Variants in PCSK2 observed in about 807,000 individuals in gnomAD.
The protein encoded by PCSK2 is neuroendocrine convertase 2.
A neutral mutation model predicts 69.7 loss-of-function variants in PCSK2; 14 were observed. The observed-to-expected ratio is 0.20, with a 90% CI of 0.13 to 0.31. The LOEUF (loss-of-function observed/expected upper bound fraction) is 0.31, where lower values mean the gene tolerates loss of function less well. Among genes scored for constraint, PCSK2 ranks in the 10% least tolerant of loss-of-function variants. The probability of loss-of-function intolerance (pLI) is 1.00; values close to 1 mark genes in which losing one functional copy is unlikely to be tolerated. For missense variants in PCSK2, 544 were observed against 842.5 expected (o/e 0.65, Z 4.39); for synonymous variants, 307 against 320.7 (o/e 0.96, Z 0.46).
intron 2 of PCSK2, among the ~76,000 whole-genome samples, chr20:17,289,011 G>A (rs1204054550): frequency 6.6e-6 from 1 of 152,164 alleles, no homozygotes; most frequent in Non-Finnish European, 1.5e-5. Flanking sequence ...AAGGAAATAA[G>A]GATGACAGAT....
chr20:17,274,394 C>T (rs1987978986), intron 2 of PCSK2, among the ~76,000 whole-genome samples: 1 of 152,148 alleles, frequency 6.6e-6, no homozygotes, highest in African/African-American at 2.4e-5. Context: ...ATTTATTCAC[C>T]CATGTGAAGG....
intron 1 of PCSK2, among the ~76,000 whole-genome samples, chr20:17,253,272 G>T (rs1987059975): frequency 6.6e-6 from 1 of 152,140 alleles, no homozygotes; most frequent in African/African-American, 2.4e-5. Flanking sequence ...CTTTAGTAGA[G>T]TTGCAAAGTT....
intron 5 of PCSK2, among the ~76,000 whole-genome samples, chr20:17,390,691 T>G (rs1265119075): frequency 6.6e-6 from 1 of 152,226 alleles, no homozygotes. Flanking sequence ...CATCACTCTT[T>G]TTTCCTTATT....
At chr20:17,416,840 C>T (rs542004288) in intron 6 of PCSK2, among the ~76,000 whole-genome samples, 117 of 152,152 alleles carry the variant, frequency 7.7e-4, no homozygotes, top group Middle Eastern at 3.4e-3. Flanking sequence ...TACTGTGCAG[C>T]CATAAAAAAG....
At chr20:17,302,457 T>C (rs1989117224) in intron 2 of PCSK2, among the ~76,000 whole-genome samples, 1 of 152,354 alleles carries the variant, frequency 6.6e-6, no homozygotes, top group East Asian at 1.9e-4. Flanking sequence ...GGCCTCATTT[T>C]TCTTCTTACT....
chr20:17,329,371 T>A (rs6111506), intron 2 of PCSK2, among the ~76,000 whole-genome samples: 22,853 of 152,176 alleles, frequency 0.15, 2,385 homozygotes, highest in East Asian at 0.55. Flanking sequence ...CCAAAACATC[T>A]TGATTGCCTT....
chr20:17,425,591 C>T (rs2032230837), intron 6 of PCSK2, among the ~76,000 whole-genome samples: 1 of 152,160 alleles, frequency 6.6e-6, no homozygotes, highest in Non-Finnish European at 1.5e-5. Context: ...TTAAAATGTG[C>T]TAGTTCATGT....
At chr20:17,294,017 T>C (rs1988783937) in intron 2 of PCSK2, among the ~76,000 whole-genome samples, 1 of 152,142 alleles carries the variant, frequency 6.6e-6, no homozygotes, top group Non-Finnish European at 1.5e-5. Context: ...TTAGTCATTT[T>C]TGGTAATTTA....
At chr20:17,296,916 A>G (rs976444735) in intron 2 of PCSK2, among the ~76,000 whole-genome samples, 1 of 152,230 alleles carries the variant, frequency 6.6e-6, no homozygotes, top group Non-Finnish European at 1.5e-5. Flanking sequence ...GTTAAATATC[A>G]TATTTCCTTG....
intron 2 of PCSK2, among the ~76,000 whole-genome samples, chr20:17,263,750 A>G (rs1312280210): frequency 6.6e-6 from 1 of 152,230 alleles, no homozygotes; most frequent in Non-Finnish European, 1.5e-5. Context: ...ACCAGTTCTT[A>G]ATTTCCAAAA....
chr20:17,350,945 C>T (rs1290767235), intron 2 of PCSK2, among the ~76,000 whole-genome samples: 2 of 150,540 alleles, frequency 1.3e-5, no homozygotes, highest in Non-Finnish European at 2.9e-5. Flanking sequence ...GAGGCTGAGG[C>T]AAGAGAATCG....
At chr20:17,226,616 C>T (rs2122916571), upstream of PCSK2, among the ~76,000 whole-genome samples, 1 of 151,954 alleles carries the variant, frequency 6.6e-6, no homozygotes, top group South Asian at 2.1e-4. Flanking sequence ...CTGCTCCCCT[C>T]GGGGCCTCTG....
intron 8 of PCSK2, among the ~76,000 whole-genome samples, chr20:17,450,666 T>A (rs1378617455): frequency 1.3e-5 from 2 of 152,154 alleles, no homozygotes; most frequent in Non-Finnish European, 2.9e-5. Flanking sequence ...TCTCTGCTTC[T>A]AAGATGGTGC....
chr20:17,262,433 T>A (rs1197774833), intron 2 of PCSK2, among the ~76,000 whole-genome samples: 1 of 150,130 alleles, frequency 6.7e-6, no homozygotes, highest in Non-Finnish European at 1.5e-5. Context: ...GGAAAATAAA[T>A]AAAGCACAAA....
chr20:17,260,403 G>A (rs1987333456), intron 2 of PCSK2, 59 bp downstream of exon 2: 4 of 1,208,946 alleles, frequency 3.3e-6, no homozygotes, highest in Middle Eastern at 2.2e-4. Context: ...AGCCCACCAA[G>A]GGGGTGTGGA....
chr20:17,287,431 C>CTGCGTGTGTGTGTG (rs1988551992), intron 2 of PCSK2, among the ~76,000 whole-genome samples: 1 of 145,928 alleles, frequency 6.9e-6, no homozygotes, highest in Non-Finnish European at 1.5e-5. Flanking sequence ...ATGTGCGTGT[C>CTGCGTGTGTGTGTG]TGTGTGTGTG....
rs184258383 is a variant in PCSK2 at position 17,313,077 on chromosome 20, C to T, written c.283-45250C>T. On this transcript the variant is annotated intron_variant, in intron 2 of 11. Transcript: ENST00000262545. ...AGTGGGCACATTTTAAAAAGGAAGA[C>T]AAGGCAATTAAAATATAATTTTAAT... Among the ~76,000 whole-genome samples, 31 of 152,280 alleles carry T rather than the reference C, an allele frequency of 2.0e-4. 1 individual carries two copies. The East Asian group carries it at 5.4e-3, about 27-fold the overall frequency.
intron 1 of PCSK2, among the ~76,000 whole-genome samples, chr20:17,237,925 T>C (rs1235250673): frequency 1.3e-5 from 2 of 152,138 alleles, no homozygotes; most frequent in East Asian, 1.9e-4. Context: ...CGCATTGCAT[T>C]GACATATTAA....
intron 6 of PCSK2, among the ~76,000 whole-genome samples, chr20:17,419,518 C>G (rs2032076022): frequency 6.6e-6 from 1 of 152,106 alleles, no homozygotes; most frequent in East Asian, 1.9e-4. Flanking sequence ...ATGTGCAAAA[C>G]AGATATAACT....
Sources: gnomAD v4.1 joint callset for allele counts (sites outside exome capture counted in the v4.1 genomes callset) on GRCh38, gnomAD v4.1.1 for gene constraint, MANE v1.5 for transcripts, NCBI Gene and HGNC (gene_info 2026-07-23, HGNC 2026-07-21) for gene names.